The following PRAM1 variants were observed in gnomAD, a reference collection of about 807,000 sequenced individuals.
The protein encoded by PRAM1 is PML-RARA-regulated adapter molecule 1.
PRAM1 carries 41 observed loss-of-function variants against 55.3 expected under a neutral mutation model. The ratio of observed to expected loss-of-function variants is 0.74; its 90% confidence interval spans 0.58 to 0.96. The LOEUF (loss-of-function observed/expected upper bound fraction) is 0.96. Ranked by LOEUF, PRAM1 falls within the 40% of genes least tolerant of loss-of-function variation. The pLI, the probability that PRAM1 is intolerant of heterozygous loss-of-function variation, is 0.00. For missense variants in PRAM1, 898 were observed against 892.7 expected (o/e 1.01, Z -0.08); for synonymous variants, 401 against 387.1 (o/e 1.04, Z -0.42).
rs1310868883 is a variant in PRAM1, at chr19:8,493,470, C to T, written c.1577-2313G>A. 1.3e-5 allele frequency among the ~76,000 whole-genome samples: 2 copies of T among 152,222 alleles called. No individual in the cohort carries two copies. Among genetic ancestry groups the T allele is most frequent in the Admixed American group, 1.3e-4 (2 of 15,286 alleles). ...TGGCACTCCAGGGTCCCTGCAAACC[C>T]GCCACATTAGAGCACCTCTTGGCAC... On this transcript the variant is annotated intron_variant, in intron 4 of 9. Coordinates refer to ENST00000423345, the MANE Select transcript of PRAM1 (RefSeq NM_032152.5). The surrounding 1 kb of genome is among the most constrained non-coding windows in gnomAD (Gnocchi z 4.1).
chr19:8,490,760 G>A lies in PRAM1; in HGVS notation c.1744-4C>T. 1 of 1,608,482 alleles carries A rather than the reference G, an allele frequency of 6.2e-7. No individual in the cohort carries two copies. Among genetic ancestry groups the A allele is most frequent in the Non-Finnish European group, 8.5e-7 (1 of 1,179,536 alleles). On this transcript the variant is annotated splice_region_variant and splice_polypyrimidine_tract_variant and intron_variant, in intron 6 of 9. Coordinates refer to ENST00000423345, the MANE Select transcript of PRAM1 (RefSeq NM_032152.5). This position sits in a 1 kb window ranked among gnomAD's most constrained non-coding sequence, Gnocchi z 7.3. ...GAACCACGATCTCCCCTTCAAACTGGGGCGCGAGATGTTAGGGCCTCTGCT... is the reference window on the plus strand; with the variant it reads ...GAACCACGATCTCCCCTTCAAACTGAGGCGCGAGATGTTAGGGCCTCTGCT...
rs759809209 is a variant in PRAM1 at position 8,498,529 on chromosome 19, C to T, written c.1279G>A (p.Gly427Arg). The change falls in exon 2 of 10, where the codon GGA becomes AGA. Residue 427 changes from glycine to arginine, a missense_variant. Transcript: ENST00000423345. ...RWRSGGLVHS[G>R]GARPGLRPSH... ...GGTCTGAGGCCTGGCCTGGCCCCTC[C>T]ACTGTGAACCAGGCCTCCTGACCTC... 6.2e-7 allele frequency: 1 copy of T among 1,607,744 alleles called. No individual in the cohort carries two copies. Among genetic ancestry groups the T allele is most frequent in the Non-Finnish European group, 8.5e-7 (1 of 1,177,204 alleles).
intron 1 of PRAM1, 132 bp downstream of exon 1, chr19:8,502,433 G>A (rs1017605805): frequency 1.6e-5 from 18 of 1,146,010 alleles, no homozygotes; most frequent in Admixed American, 1.0e-4. Context: ...GACCCTTCCC[G>A]TTTCCCAGAT....
intron 3 of PRAM1, 27 bp from the exon 4 acceptor site, chr19:8,497,867 CTTCTTTT>C: frequency 4.4e-6 from 3 of 676,036 alleles, no homozygotes; most frequent in Admixed American, 3.5e-5. Flanking sequence ...GATGAGGCCT[CTTCTTTT>C]TTTTTTTTTT....
intron 5 of PRAM1, 52 bp downstream of exon 5, chr19:8,491,048 G>A (rs1196236839): frequency 1.9e-6 from 3 of 1,611,524 alleles, no homozygotes. Flanking sequence ...GTGCTCCTCT[G>A]GGGGTTCCTG....
At chr19:8,492,297 C>T (rs557899117) in intron 4 of PRAM1, among the ~76,000 whole-genome samples, 7 of 149,696 alleles carry the variant, frequency 4.7e-5, no homozygotes, top group South Asian at 2.1e-4. Context: ...ATTCTTGTTG[C>T]CCAGGCTGGA....
In PRAM1 at chr19:8,495,053, C is replaced by T. The variant is rs181232462; in HGVS notation, c.1576+2711G>A. On this transcript the variant is annotated intron_variant, in intron 4 of 9. Coordinates refer to ENST00000423345, the MANE Select transcript of PRAM1 (RefSeq NM_032152.5). ...CTCCCGGGTTCAAGGAATTCTCCCA[C>T]CTCAGCCTTCCGAATAGCTGGGATG... 4.3e-3 allele frequency among the ~76,000 whole-genome samples: 653 copies of T among 152,196 alleles called. 4 individuals carry two copies. Among genetic ancestry groups the T allele is most frequent in the Non-Finnish European group, 7.2e-3 (487 of 68,008 alleles).
At chr19:8,492,883 G>C (rs1380533519) in intron 4 of PRAM1, among the ~76,000 whole-genome samples, 1 of 152,074 alleles carries the variant, frequency 6.6e-6, no homozygotes, top group African/African-American at 2.4e-5. Context: ...CATAATGCCA[G>C]CTACTCAGGA....
chr19:8,501,507 ATTTTTTTTT>A (rs773534887), intron 1 of PRAM1, among the ~76,000 whole-genome samples: 1 of 102,858 alleles, frequency 9.7e-6, no homozygotes, highest in Non-Finnish European at 1.9e-5. Context: ...ATGTGTCTTG[ATTTTTTTTT>A]TTTTTTTTTT....
intron 4 of PRAM1, chr19:8,496,141 C>T (rs1169591342): frequency 4.6e-5 from 21 of 455,330 alleles, no homozygotes; most frequent in Non-Finnish European, 6.2e-5. Context: ...TCAGGCTGGG[C>T]GTGGTGGCTC....
intron 4 of PRAM1, among the ~76,000 whole-genome samples, chr19:8,494,807 A>AT (rs1008089467): frequency 6.7e-6 from 1 of 150,368 alleles, no homozygotes; most frequent in African/African-American, 2.4e-5. Context: ...AATTTTTTGT[A>AT]TTTTTAGTAG....
In PRAM1 at chr19:8,493,068, A is replaced by G. The variant is rs1338702440; in HGVS notation, c.1577-1911T>C. On this transcript the variant is annotated intron_variant, in intron 4 of 9. Coordinates refer to ENST00000423345, the MANE Select transcript of PRAM1 (RefSeq NM_032152.5). This position sits in a 1 kb window ranked among gnomAD's most constrained non-coding sequence, Gnocchi z 4.1. ...CGTCCTGGACTGGTGACTGATGATG[A>G]GACTCTGGACTGAGGGGTCTCCCAT... is the stretch of plus-strand genomic sequence containing the variant. Among the ~76,000 whole-genome samples, 1 of 152,182 alleles carries G rather than the reference A, an allele frequency of 6.6e-6. No homozygotes were observed. The highest frequency in any genetic ancestry group is 1.5e-5 in the Non-Finnish European group (1 of 68,036).
chr19:8,498,669 C>G lies in PRAM1; in HGVS notation c.1139G>C (p.Arg380Pro). ...PQPEFFGDLP[R>P]KPPLPSSASE... ...AGCGGAGCTGGGGAGTGGAGGCTTT[C>G]GAGGGAGATCACCGAAGAACTCAGG... is the stretch of plus-strand genomic sequence containing the variant. Residue 380 changes from arginine to proline, a missense_variant, in exon 2 of 10, where the codon CGA (arginine) becomes CCA (proline). Arg to Pro is a moderately radical substitution (Grantham distance 103). Transcript: ENST00000423345. 6.2e-7 allele frequency: 1 copy of G among 1,608,922 alleles called. No individual in the cohort carries two copies. The highest frequency in any genetic ancestry group is 8.5e-7 in the Non-Finnish European group (1 of 1,178,082).
In PRAM1 at chr19:8,490,992, C is replaced by G; in HGVS notation, c.1638G>C (p.Lys546Asn). 6.2e-7 allele frequency: 1 copy of G among 1,606,954 alleles called. No homozygotes were observed. The highest frequency in any genetic ancestry group is 8.5e-7 in the Non-Finnish European group (1 of 1,179,842). The part of the protein sequence containing the change: ...RRPPQDPALR[K>N]EKDPQPQQLP... ...ACTGCTGTGGCTGGGGATCCTTCTC[C>G]TTCCTGATAGCCCCCACCAAGGAAT... The change falls in exon 6 of 10, where the codon AAG becomes AAC. Residue 546 changes from lysine to asparagine, a missense_variant. Lys to Asn is a moderately conservative substitution (Grantham distance 94). This residue lies in a region of PRAM1 where 787 missense variants were observed against 735.4 expected (regional missense o/e 1.07). Coordinates refer to ENST00000423345, the MANE Select transcript of PRAM1 (RefSeq NM_032152.5). This position sits in a 1 kb window ranked among gnomAD's most constrained non-coding sequence, Gnocchi z 7.3.
Position 8,490,209 on chromosome 19 carries a change from G to A in PRAM1, c.1993C>T (p.Pro665Ser). 2 of 1,596,534 alleles carry A rather than the reference G, an allele frequency of 1.3e-6. No homozygotes were observed. The highest frequency in any genetic ancestry group is 1.1e-5 in the South Asian group (1 of 88,230). ...CGGTCTTACCGTCCCAGGGGGAGTG[G>A]TTGGTTTTCCAGGGGATCTGCCGAG... ...VDFCDPLENQ[P>S]LPLGR Residue 665 changes from proline (P) to serine (S), a missense_variant, in exon 10 of 10, where the codon CCA becomes TCA. Pro to Ser is a moderately conservative substitution (Grantham distance 74). Coordinates refer to ENST00000423345, the MANE Select transcript of PRAM1 (RefSeq NM_032152.5). This position sits in a 1 kb window ranked among gnomAD's most constrained non-coding sequence, Gnocchi z 7.3.
In PRAM1 at chr19:8,498,824, G is replaced by C. The variant is rs1230253565; in HGVS notation, c.984C>G (p.Gly328=). 1 of 1,593,550 alleles carries C rather than the reference G, an allele frequency of 6.3e-7. No individual in the cohort carries two copies. Among genetic ancestry groups the C allele is most frequent in the Non-Finnish European group, 8.5e-7 (1 of 1,170,532 alleles). ...CGGGCTCTGAGGAGGTCCTGGGGAG[G>C]CCGCCCAGCTCGGGCTGCGGGGGCT... is the stretch of plus-strand genomic sequence containing the variant. ...SKKPPQPELG[G]LPRTSSEPEF... The change falls in exon 2 of 10, where the codon GGC becomes GGG. Residue 328 remains glycine, a synonymous_variant. Coordinates refer to ENST00000423345, the MANE Select transcript of PRAM1 (RefSeq NM_032152.5).
chr19:8,490,738 C>T lies in PRAM1; in HGVS notation c.1762G>A (p.Val588Ile). 6.2e-7 allele frequency: 1 copy of T among 1,610,216 alleles called. No homozygotes were observed. Among genetic ancestry groups the T allele is most frequent in the Non-Finnish European group, 8.5e-7 (1 of 1,179,716 alleles). The stretch of plus-strand genomic sequence containing the variant: ...GGGTCGATCATCATCTTCGTGTGAA[C>T]CACGATCTCCCCTTCAAACTGGGGC... The part of the protein sequence containing the change: ...KKFKFEGEIV[V>I]HTKMMIDPNA... Residue 588 changes from valine to isoleucine, a missense_variant, in exon 7 of 10, where the codon GTT becomes ATT. Around this residue, in one of 4 missense-constraint regions of PRAM1, gnomAD observed 787 missense variants for 735.4 expected, o/e 1.07. Coordinates refer to ENST00000423345, the MANE Select transcript of PRAM1 (RefSeq NM_032152.5). This position sits in a 1 kb window ranked among gnomAD's most constrained non-coding sequence, Gnocchi z 7.3.
chr19:8,498,178 G>C, intron 3 of PRAM1, 45 bp downstream of exon 3: 1 of 1,586,014 alleles, frequency 6.3e-7, no homozygotes, highest in Non-Finnish European at 8.6e-7. Context: ...AGGCCTCTTT[G>C]AGCCCCACAA....
chr19:8,495,614 T>G (rs1057158168), intron 4 of PRAM1, among the ~76,000 whole-genome samples: 1 of 152,130 alleles, frequency 6.6e-6, no homozygotes, highest in Non-Finnish European at 1.5e-5. Context: ...GGGTACGGAT[T>G]TAGGGACAGG....
Sources: allele counts gnomAD v4.1 joint callset (sites outside exome capture counted in the v4.1 genomes callset), GRCh38; gene constraint gnomAD v4.1.1; regional missense constraint gnomAD v4.1.1; non-coding constraint Gnocchi (gnomAD v3.1); transcripts MANE v1.5; gene names NCBI Gene and HGNC (gene_info 2026-07-23, HGNC 2026-07-21).